The following CNTN5 variants were observed in gnomAD, a reference collection of about 807,000 sequenced individuals.
CNTN5 encodes contactin 5.
Under a neutral mutation model 129.1 loss-of-function variants are expected in CNTN5, and 77 were observed. The ratio of observed to expected loss-of-function variants is 0.60; its 90% CI spans 0.50 to 0.72. The LOEUF is 0.72. Among genes scored for constraint, CNTN5 ranks in the 30% least tolerant of loss-of-function variants. The pLI, the probability that CNTN5 is intolerant of heterozygous loss-of-function variation, is 0.00. For missense variants in CNTN5, 1,478 were observed against 1,328.8 expected (o/e 1.11, Z -1.75); for synonymous variants, 509 against 465.6 (o/e 1.09, Z -1.20).
intron 1 of CNTN5, among the ~76,000 whole-genome samples, chr11:99,044,854 A>G (rs1487497651): frequency 2.0e-5 from 3 of 152,182 alleles, no homozygotes; most frequent in Admixed American, 6.5e-5. Flanking sequence ...TCTACTATCA[A>G]TGTTATTAGG....
intron 1 of CNTN5, among the ~76,000 whole-genome samples, chr11:99,211,859 T>C (rs2135671554): frequency 1.3e-5 from 2 of 152,300 alleles, no homozygotes; most frequent in Middle Eastern, 6.8e-3. Context: ...TCTTCTGATC[T>C]AAGTCTATTC....
chr11:99,452,758 C>G (rs1160457236), intron 2 of CNTN5, among the ~76,000 whole-genome samples: 1 of 151,978 alleles, frequency 6.6e-6, no homozygotes, highest in Non-Finnish European at 1.5e-5. Context: ...TAAGTCATTT[C>G]CATAGCAGTA....
chr11:99,848,366 T>C (rs1258698566), intron 6 of CNTN5, among the ~76,000 whole-genome samples: 1 of 152,184 alleles, frequency 6.6e-6, no homozygotes, highest in Non-Finnish European at 1.5e-5. Context: ...GGAATGCTTA[T>C]TACTTTTGTC....
intron 1 of CNTN5, among the ~76,000 whole-genome samples, chr11:99,220,398 T>A (rs948513751): frequency 6.6e-6 from 1 of 151,960 alleles, no homozygotes; most frequent in Non-Finnish European, 1.5e-5. Context: ...TTTGCTTACA[T>A]AAATATTACT....
intron 6 of CNTN5, among the ~76,000 whole-genome samples, chr11:99,848,869 T>G (rs1034667614): frequency 6.6e-6 from 1 of 152,196 alleles, no homozygotes; most frequent in African/African-American, 2.4e-5. Context: ...CAAATGAGTT[T>G]TGATTGCCTC....
intron 3 of CNTN5, among the ~76,000 whole-genome samples, chr11:99,704,700 T>G (rs140680281): frequency 5.3e-5 from 8 of 151,340 alleles, no homozygotes; most frequent in Non-Finnish European, 1.2e-4. Context: ...ATATATGCAT[T>G]CTATATATCC....
At chr11:99,487,221 T>C (rs1426499549) in intron 2 of CNTN5, among the ~76,000 whole-genome samples, 1 of 152,200 alleles carries the variant, frequency 6.6e-6, no homozygotes, top group Non-Finnish European at 1.5e-5. Flanking sequence ...GAAGTGACTA[T>C]ACAGCAAGGC....
intron 13 of CNTN5, among the ~76,000 whole-genome samples, chr11:100,140,737 G>A (rs998362099): frequency 6.6e-6 from 1 of 152,136 alleles, no homozygotes; most frequent in East Asian, 1.9e-4. Flanking sequence ...AAGACAGATA[G>A]AGTGTTAGAA....
intron 13 of CNTN5, among the ~76,000 whole-genome samples, chr11:100,104,094 C>CTT (rs1040980175): frequency 0.018 from 2,418 of 132,052 alleles, 39 homozygotes; most frequent in East Asian, 0.036. Flanking sequence ...GAAAACGTCA[C>CTT]TTTTTTTTTT....
intron 3 of CNTN5, among the ~76,000 whole-genome samples, chr11:99,662,491 A>C (rs1225113025): frequency 6.6e-6 from 1 of 152,226 alleles, no homozygotes; most frequent in Non-Finnish European, 1.5e-5. Flanking sequence ...AATGGTTATC[A>C]ATTTCTGAAG....
chr11:100,305,796 A>G (rs983339123), intron 20 of CNTN5, among the ~76,000 whole-genome samples: 4 of 151,712 alleles, frequency 2.6e-5, no homozygotes, highest in African/African-American at 7.2e-5. Flanking sequence ...CTATTTTTAC[A>G]TGCTGAAATG....
chr11:99,676,856 G>A (rs1429038803), intron 3 of CNTN5, among the ~76,000 whole-genome samples: 3 of 152,084 alleles, frequency 2.0e-5, no homozygotes, highest in Middle Eastern at 3.2e-3. Context: ...AAGGAATTCT[G>A]CAGTATATAA....
At chr11:99,394,975 T>C (rs1417541073) in intron 2 of CNTN5, among the ~76,000 whole-genome samples, 5 of 151,944 alleles carry the variant, frequency 3.3e-5, no homozygotes, top group Non-Finnish European at 7.4e-5. Flanking sequence ...CTGTCTTTGC[T>C]ATTGTGAATG....
intron 7 of CNTN5, among the ~76,000 whole-genome samples, chr11:99,921,243 C>A (rs1210376077): frequency 6.6e-6 from 1 of 152,170 alleles, no homozygotes; most frequent in Non-Finnish European, 1.5e-5. Flanking sequence ...GCTTGGAGAA[C>A]CCTCGCCATT....
chr11:100,316,901 A>T (rs1028856282), intron 21 of CNTN5, among the ~76,000 whole-genome samples: 2 of 152,234 alleles, frequency 1.3e-5, no homozygotes, highest in Non-Finnish European at 2.9e-5. Context: ...AGTGCTTATT[A>T]TCAAGAAAAA....
chr11:99,063,549 T>TAAATAAAC (rs869287165), intron 1 of CNTN5, among the ~76,000 whole-genome samples: 2 of 150,898 alleles, frequency 1.3e-5, no homozygotes, highest in African/African-American at 4.9e-5. Flanking sequence ...AATAAATAAA[T>TAAATAAAC]AAACGCATGA....
At chr11:99,961,147 G>C (rs1405612535) in intron 8 of CNTN5, among the ~76,000 whole-genome samples, 2 of 142,662 alleles carry the variant, frequency 1.4e-5, no homozygotes, top group East Asian at 4.4e-4. Context: ...GGATGCTGCA[G>C]TGAGCCAAGA....
chr11:99,779,115 C>T (rs1252532532), intron 3 of CNTN5, among the ~76,000 whole-genome samples: 6 of 151,614 alleles, frequency 4.0e-5, no homozygotes, highest in East Asian at 2.0e-4. Flanking sequence ...ATTTTAATAT[C>T]ATATTATGAA....
At chr11:100,270,529 T>C (rs755619380) in intron 17 of CNTN5, among the ~76,000 whole-genome samples, 4 of 152,216 alleles carry the variant, frequency 2.6e-5, no homozygotes, top group Non-Finnish European at 5.9e-5. Flanking sequence ...TAATGGTAAT[T>C]GTATTGACAA....
Sources: allele counts gnomAD v4.1 joint callset (sites outside exome capture counted in the v4.1 genomes callset), GRCh38; gene constraint gnomAD v4.1.1; transcripts MANE v1.5; gene names NCBI Gene and HGNC (gene_info 2026-07-23, HGNC 2026-07-21).